Variants in CCDC62 observed in about 807,000 individuals in gnomAD.
CCDC62 encodes the protein coiled-coil domain containing 62.
Under a neutral mutation model 80.8 loss-of-function variants are expected in CCDC62, and 72 were observed. The ratio of observed to expected loss-of-function variants is 0.89; its 90% CI spans 0.74 to 1.08. CCDC62 has a LOEUF of 1.08. CCDC62 is among the 50% of genes least tolerant of loss of function. The pLI, the probability that CCDC62 is intolerant of heterozygous loss-of-function variation, is 0.00. For missense variants in CCDC62, 704 were observed against 809.4 expected, an observed-to-expected ratio of 0.87 and a Z score of 1.58; for synonymous variants, 286 against 296.5, an observed-to-expected ratio of 0.96 and a Z score of 0.36.
intron 5 of CCDC62, among the ~76,000 whole-genome samples, chr12:122,790,543 AG>A (rs1450606821): frequency 1.3e-5 from 2 of 152,118 alleles, no homozygotes; most frequent in African/African-American, 4.8e-5. Flanking sequence ...CTGTAGTCCC[AG>A]CTACTCGAGA....
chr12:122,809,627 C>T (rs1326804753), intron 10 of CCDC62, among the ~76,000 whole-genome samples: 4 of 152,164 alleles, frequency 2.6e-5, no homozygotes, highest in Non-Finnish European at 4.4e-5. Flanking sequence ...CTGGCTATGG[C>T]GAGGTGCCAA....
intron 1 of CCDC62, among the ~76,000 whole-genome samples, chr12:122,775,642 T>C (rs1430366767): frequency 6.6e-6 from 1 of 152,244 alleles, no homozygotes; most frequent in Non-Finnish European, 1.5e-5. Context: ...AGACAGGGTC[T>C]GGCTCTGTCC....
At chr12:122,783,389 G>T (rs1164735790) in intron 3 of CCDC62, among the ~76,000 whole-genome samples, 1 of 151,570 alleles carries the variant, frequency 6.6e-6, no homozygotes, top group East Asian at 2.0e-4. Context: ...CACCACGCCC[G>T]GCTAATTTTT....
intron 10 of CCDC62, among the ~76,000 whole-genome samples, chr12:122,811,297 C>T (rs1395167849): frequency 2.7e-5 from 4 of 148,536 alleles, no homozygotes; most frequent in South Asian, 2.1e-4. Flanking sequence ...CCGCAACCTC[C>T]GCCTCCCAGG....
In CCDC62 at chr12:122,801,772, A is replaced by G. The variant is rs2031329579; in HGVS notation, c.1626A>G (p.Lys542=). The change falls in exon 9 of 13, where the codon AAA becomes AAG. Residue 542 remains lysine (K), a synonymous_variant. Transcript: ENST00000253079. Reference sequence around the variant, plus strand: ...GGATGAGTATTTTCAAGCCTTCCAAAATGCAGAGAATTGTCCGCCTCAAAT... The same window carrying G: ...GGATGAGTATTTTCAAGCCTTCCAAGATGCAGAGAATTGTCCGCCTCAAAT... ...VEWMSIFKPS[K]MQRIVRLKSG... 1.2e-6 allele frequency: 2 copies of G among 1,614,142 alleles called. No homozygotes were observed. Among genetic ancestry groups the G allele is most frequent in the African/African-American group, 2.7e-5 (2 of 75,034 alleles).
Position 122,813,291 on chromosome 12 carries a change from C to T in CCDC62, c.1873C>T (p.Gln625Ter). Residue 625 changes from glutamine to a stop codon, truncating the protein, a stop_gained, in exon 11 of 13, where the codon CAG becomes TAG. Transcript: ENST00000253079. LOFTEE classifies it high-confidence loss of function. ...GTAGGCTTCAATTGTGTTACCCTCC[C>T]AGGATGATTTCTCGCCCACGAGCAA... The part of the protein sequence containing the change: ...NEKASIVLPS[Q>*]DDFSPTSKLQ... 2 of 1,612,760 alleles carry T rather than the reference C, an allele frequency of 1.2e-6. No homozygotes were observed. Among genetic ancestry groups the T allele is most frequent in the East Asian group, 4.5e-5 (2 of 44,786 alleles).
intron 11 of CCDC62, among the ~76,000 whole-genome samples, chr12:122,817,073 A>G (rs1186904238): frequency 7.6e-6 from 1 of 130,772 alleles, no homozygotes; most frequent in Non-Finnish European, 1.5e-5. Flanking sequence ...TTGTTTTGAG[A>G]CAGAGTCTTG....
At chr12:122,818,808 A>G (rs2032280830) in intron 11 of CCDC62, among the ~76,000 whole-genome samples, 1 of 152,012 alleles carries the variant, frequency 6.6e-6, no homozygotes, top group African/African-American at 2.4e-5. Flanking sequence ...AGTTCCAGCT[A>G]CTCAGGAGGC....
chr12:122,789,864 C>T (rs186044343), intron 5 of CCDC62, among the ~76,000 whole-genome samples: 47 of 152,258 alleles, frequency 3.1e-4, no homozygotes, highest in South Asian at 2.5e-3. Context: ...GTATTATCAT[C>T]CCCTTGACAG....
rs368888215 is a variant in CCDC62, at chr12:122,823,733, T to C, written c.*40+274T>C. Reference sequence around the variant, plus strand: ...AAAAAAAAAAAAAGGCCGGGCGTGGTGGCTCACACGTGTAATCCCATCACT... The same window carrying C: ...AAAAAAAAAAAAAGGCCGGGCGTGGCGGCTCACACGTGTAATCCCATCACT... On this transcript the variant is annotated intron_variant, in intron 12 of 12. Transcript: ENST00000253079. Among the ~76,000 whole-genome samples, 215 of 146,416 alleles carry C rather than the reference T, an allele frequency of 1.5e-3. 3 individuals carry two copies. The South Asian group carries it at 0.026, about 17-fold the overall frequency.
chr12:122,819,072 A>G (rs1671681), intron 11 of CCDC62, among the ~76,000 whole-genome samples: 16,706 of 152,126 alleles, frequency 0.11, 2,148 homozygotes, highest in African/African-American at 0.31. Context: ...TAATTGGAAA[A>G]ACTGTTGGCT....
At chr12:122,821,202 C>T (rs897450167) in intron 11 of CCDC62, among the ~76,000 whole-genome samples, 3 of 152,158 alleles carry the variant, frequency 2.0e-5, no homozygotes, top group Admixed American at 6.5e-5. Flanking sequence ...GTTTTCAACA[C>T]GGCTCACTGA....
At chr12:122,791,290 C>G (rs796188694) in intron 5 of CCDC62, among the ~76,000 whole-genome samples, 3 of 152,022 alleles carry the variant, frequency 2.0e-5, no homozygotes, top group African/African-American at 4.8e-5. Flanking sequence ...AGTCGCCCAC[C>G]ACCACACCCA....
chr12:122,779,201 T>C (rs891813964), intron 2 of CCDC62, among the ~76,000 whole-genome samples: 3 of 152,212 alleles, frequency 2.0e-5, no homozygotes, highest in Non-Finnish European at 4.4e-5. Context: ...TTCTCATTAG[T>C]AGTTAGGGAA....
rs1199539752 is a variant in CCDC62 at position 122,813,353 on chromosome 12, G to A, written c.1935G>A (p.Val645=). The change falls in exon 11 of 13, where the codon GTG becomes GTA. Residue 645 remains valine, a synonymous_variant. Transcript: ENST00000253079. ...QRLLAESRQM[V]TDLELSTLLP... is the part of the protein sequence containing the mutation. ...TGCTGGCGGAATCTCGTCAGATGGT[G>A]ACGGACCTGGAGCTGAGCACACTGC... 5 of 1,614,018 alleles carry A rather than the reference G, an allele frequency of 3.1e-6. No homozygotes were observed. Among genetic ancestry groups the A allele is most frequent in the African/African-American group, 1.3e-5 (1 of 75,056 alleles).
chr12:122,777,700 G>A lies in CCDC62; in HGVS notation c.229+17G>A. The A allele has an allele frequency of 6.2e-7, 1 of 1,610,090 alleles. No homozygotes were observed. Among genetic ancestry groups the A allele is most frequent in the Non-Finnish European group, 8.5e-7 (1 of 1,176,526 alleles). ...AATTAGAAGGTCAGAAATACATTCAGGGACAACAGTTATGCACTTCTGTGT... is the reference window on the plus strand; with the variant it reads ...AATTAGAAGGTCAGAAATACATTCAAGGACAACAGTTATGCACTTCTGTGT... On this transcript the variant is annotated intron_variant, in intron 2 of 12. Transcript: ENST00000253079.
In CCDC62 at chr12:122,802,410, CT is replaced by C. The variant is rs752001572; in HGVS notation, c.1706+578del. Among the ~76,000 whole-genome samples the C allele has an allele frequency of 7.6e-3, 968 of 126,846 alleles. 3 individuals carry two copies. The highest frequency in any genetic ancestry group is 9.5e-3 in the Non-Finnish European group (573 of 60,276). The allele number at this position is 126,846 out of a possible 152,430, so 83.2% of individuals were successfully genotyped here. On this transcript the variant is annotated intron_variant, in intron 9 of 12. Coordinates refer to ENST00000253079, the MANE Select transcript of CCDC62 (RefSeq NM_201435.5). ...AATATAACGAGACCCTATCTCTACA[CT>C]TTTTTTTTTTTTTTTTTTTGGAGAT...
chr12:122,803,189 A>G (rs1302263534), intron 9 of CCDC62, among the ~76,000 whole-genome samples: 2 of 152,210 alleles, frequency 1.3e-5, no homozygotes, highest in Admixed American at 6.5e-5. Flanking sequence ...ATCCAGGGTC[A>G]CTTAGTATAT....
chr12:122,791,668 C>T (rs2030614164), intron 5 of CCDC62, among the ~76,000 whole-genome samples: 1 of 152,140 alleles, frequency 6.6e-6, no homozygotes, highest in Non-Finnish European at 1.5e-5. Context: ...AGGCTGGTCT[C>T]GAACTCCTGG....
Sources: allele counts gnomAD v4.1 joint callset (sites outside exome capture counted in the v4.1 genomes callset), GRCh38; gene constraint gnomAD v4.1.1; transcripts MANE v1.5; gene names NCBI Gene and HGNC (gene_info 2026-07-23, HGNC 2026-07-21).